CALN1: variants seen among roughly 807,000 people sequenced by gnomAD.
CALN1 encodes the protein calcium-binding protein 8.
A neutral mutation model predicts 30.6 loss-of-function variants in CALN1; 17 were observed. The ratio of observed to expected loss-of-function variants is 0.56; its 90% CI spans 0.38 to 0.83. CALN1 has a LOEUF of 0.83. Ranked by LOEUF, CALN1 falls within the 40% of genes least tolerant of loss-of-function variation. CALN1 has a pLI of 0.00. For synonymous variants in CALN1, 156 were observed against 131.4 expected (o/e 1.19, Z -1.28); for missense variants, 291 against 354.9 (o/e 0.82, Z 1.45).
chr7:72,457,912 C>T, the CALN1 span, among the ~76,000 whole-genome samples: 5 of 151,178 alleles, frequency 3.3e-5, no homozygotes, highest in South Asian at 2.1e-4. Context: ...TGCACCACCA[C>T]GTCTCGATAC....
chr7:72,262,932 A>C (rs1259909411), intron 3 of CALN1, among the ~76,000 whole-genome samples: 5 of 152,198 alleles, frequency 3.3e-5, no homozygotes, highest in Non-Finnish European at 7.3e-5. Flanking sequence ...CTAAGACACA[A>C]AGACTCACAA....
intron 4 of CALN1, among the ~76,000 whole-genome samples, chr7:72,031,505 T>A (rs1019864998): frequency 1.3e-5 from 2 of 152,146 alleles, no homozygotes; most frequent in African/African-American, 4.8e-5. Context: ...AGGTTAAGAA[T>A]AACTGTATCA....
At chr7:72,112,380 T>C (rs944833307) in intron 3 of CALN1, among the ~76,000 whole-genome samples, 2 of 152,214 alleles carry the variant, frequency 1.3e-5, no homozygotes, top group Non-Finnish European at 2.9e-5. Context: ...TTCACAGAAA[T>C]ATATCTTCAG....
At chr7:71,953,568 C>T (rs1172905472) in intron 5 of CALN1, among the ~76,000 whole-genome samples, 1 of 152,126 alleles carries the variant, frequency 6.6e-6, no homozygotes, top group Non-Finnish European at 1.5e-5. Context: ...TTTCCGCATT[C>T]TAAGGTGCTT....
At chr7:72,462,135 T>C in the CALN1 span, among the ~76,000 whole-genome samples, 1 of 150,930 alleles carries the variant, frequency 6.6e-6, no homozygotes, top group South Asian at 2.1e-4. Context: ...ACACCTTCAC[T>C]GTGGTCCCTT....
At chr7:72,247,749 G>T (rs1206974110) in intron 3 of CALN1, among the ~76,000 whole-genome samples, 1 of 152,090 alleles carries the variant, frequency 6.6e-6, no homozygotes, top group African/African-American at 2.4e-5. Context: ...CCAACACTTT[G>T]GGAAGCCAAG....
intron 5 of CALN1, among the ~76,000 whole-genome samples, chr7:72,001,705 C>T (rs1268030184): frequency 6.6e-6 from 1 of 152,104 alleles, no homozygotes; most frequent in Non-Finnish European, 1.5e-5. Context: ...TAAAATTTGC[C>T]TCAGTCTCTC....
intron 5 of CALN1, among the ~76,000 whole-genome samples, chr7:72,003,996 A>G (rs1799649934): frequency 6.6e-6 from 1 of 152,184 alleles, no homozygotes; most frequent in Non-Finnish European, 1.5e-5. Flanking sequence ...ATTCTTATCA[A>G]TATCCTGGTG....
rs181769824 is a variant in CALN1 at position 71,984,212 on chromosome 7, A to T, written c.501+39445T>A. The stretch of plus-strand genomic sequence containing the variant: ...GCATAGTGGAGGGTGGAAGAGAGAG[A>T]GTGAGGGGGGAACAGGCAGAAGTGT... On this transcript the variant is annotated intron_variant, in intron 5 of 6. Coordinates refer to ENST00000395275, the MANE Select transcript of CALN1 (RefSeq NM_031468.4). Among the ~76,000 whole-genome samples, 22 of 152,242 alleles carry T rather than the reference A, an allele frequency of 1.4e-4. No homozygotes were observed. In the East Asian group the frequency reaches 4.1e-3, roughly 28 times the overall value.
intron 5 of CALN1, among the ~76,000 whole-genome samples, chr7:71,986,449 A>T (rs891334418): frequency 6.6e-5 from 10 of 152,344 alleles, no homozygotes; most frequent in African/African-American, 2.4e-4. Flanking sequence ...AAAATTATAC[A>T]AGATATTCTC....
At chr7:71,942,245 G>A (rs1730220513) in intron 5 of CALN1, 2 of 192,930 alleles carry the variant, frequency 1.0e-5, no homozygotes, top group African/African-American at 2.4e-5. Flanking sequence ...CTGCCAGACC[G>A]CCACGCCGCC....
At chr7:72,385,431 T>C (rs1805153608) in intron 2 of CALN1, among the ~76,000 whole-genome samples, 1 of 152,136 alleles carries the variant, frequency 6.6e-6, no homozygotes, top group African/African-American at 2.4e-5. Flanking sequence ...GATAACAAAC[T>C]GTGGTACATC....
chr7:72,295,493 G>A (rs1585394300), intron 2 of CALN1, among the ~76,000 whole-genome samples: 1 of 151,632 alleles, frequency 6.6e-6, no homozygotes, highest in East Asian at 1.9e-4. Flanking sequence ...TCCTACCCAT[G>A]AGCATGGAGT....
chr7:71,815,515 G>A (rs546490919), intron 5 of CALN1, among the ~76,000 whole-genome samples: 80 of 152,274 alleles, frequency 5.3e-4, no homozygotes, highest in African/African-American at 1.8e-3. Context: ...TTCAACCTGA[G>A]TAGATCCTCA....
upstream of CALN1, among the ~76,000 whole-genome samples, chr7:72,412,732 C>T (rs912827262): frequency 1.3e-5 from 2 of 152,202 alleles, no homozygotes; most frequent in African/African-American, 2.4e-5. Flanking sequence ...GCCCCACATT[C>T]CAAATCAAGC....
chr7:71,824,948 C>T (rs762521078), intron 5 of CALN1, among the ~76,000 whole-genome samples: 141 of 152,182 alleles, frequency 9.3e-4, no homozygotes, highest in Non-Finnish European at 1.7e-3. Flanking sequence ...TCTTGGTACA[C>T]AGTATAAAAA....
intron 1 of CALN1, among the ~76,000 whole-genome samples, chr7:72,433,625 A>C (rs935834755): frequency 6.6e-6 from 1 of 152,016 alleles, no homozygotes; most frequent in African/African-American, 2.4e-5. Context: ...CTGCTTCCCT[A>C]CTTCTTCTCA....
chr7:72,283,468 G>C (rs557590066), intron 2 of CALN1, among the ~76,000 whole-genome samples: 114 of 152,298 alleles, frequency 7.5e-4, no homozygotes, highest in African/African-American at 2.5e-3. Flanking sequence ...ACAGTAATTT[G>C]AGACTTCAGA....
chr7:71,915,309 G>A (rs932784590), intron 5 of CALN1, among the ~76,000 whole-genome samples: 2 of 152,184 alleles, frequency 1.3e-5, no homozygotes, highest in African/African-American at 4.8e-5. Context: ...ACTTTCTTTC[G>A]AAAAGAGGTG....
Sources: allele counts gnomAD v4.1 joint callset (sites outside exome capture counted in the v4.1 genomes callset), GRCh38; gene constraint gnomAD v4.1.1; transcripts MANE v1.5; gene names NCBI Gene and HGNC (gene_info 2026-07-23, HGNC 2026-07-21).